CBLB: variants seen among roughly 807,000 people sequenced by gnomAD.
The protein encoded by CBLB is Cbl proto-oncogene B.
In CBLB, 31 loss-of-function variants were observed where a neutral mutation model predicts 104.9. The observed-to-expected ratio is 0.30, with a 90% CI of 0.22 to 0.40. The LOEUF is 0.40. Ranked by LOEUF, CBLB falls within the 10% of genes least tolerant of loss-of-function variation. The pLI, the probability that CBLB is intolerant of heterozygous loss-of-function variation, is 1.00. For synonymous variants in CBLB, 440 were observed against 422.6 expected (o/e 1.04, Z -0.51); for missense variants, 1,062 against 1,214.6 (o/e 0.87, Z 1.87).
chr3:105,737,420 G>GT (rs1289012505), intron 7 of CBLB, among the ~76,000 whole-genome samples, 162 bp from the exon 8 acceptor site: 3 of 151,874 alleles, frequency 2.0e-5, no homozygotes, highest in African/African-American at 7.3e-5. Flanking sequence ...TTACTATGTT[G>GT]TTTTTAGGAC....
chr3:105,796,764 C>A (rs2082295858), intron 3 of CBLB, among the ~76,000 whole-genome samples: 1 of 152,036 alleles, frequency 6.6e-6, no homozygotes, highest in African/African-American at 2.4e-5. Context: ...AAAAAGTGGG[C>A]AAAGAACATG....
At chr3:105,869,286 GGAAACGGGAAA>G, upstream of CBLB, 1 of 992,596 alleles carries the variant, frequency 1.0e-6, no homozygotes, top group Non-Finnish European at 1.4e-6. Context: ...GAACGAAAGT[GGAAACGGGAAA>G]GGAAATGGAC....
At chr3:105,662,396 G>C (rs1356842379) in intron 18 of CBLB, among the ~76,000 whole-genome samples, 1 of 152,106 alleles carries the variant, frequency 6.6e-6, no homozygotes, top group Non-Finnish European at 1.5e-5. Flanking sequence ...CAACCCTGTG[G>C]AATTTCTGTA....
intron 12 of CBLB, among the ~76,000 whole-genome samples, chr3:105,694,439 T>C (rs1268538807): frequency 6.6e-6 from 1 of 151,968 alleles, no homozygotes; most frequent in East Asian, 1.9e-4. Flanking sequence ...ATTTTTATCA[T>C]GGAGTTATTT....
intron 3 of CBLB, among the ~76,000 whole-genome samples, chr3:105,793,777 C>T (rs1334171187): frequency 6.6e-6 from 1 of 152,186 alleles, no homozygotes; most frequent in African/African-American, 2.4e-5. Flanking sequence ...AGCTGTTCCA[C>T]TTTGCAGTAC....
At chr3:105,745,830 G>T in intron 6 of CBLB, 87 bp downstream of exon 6, 1 of 1,179,184 alleles carries the variant, frequency 8.5e-7, no homozygotes, top group Non-Finnish European at 1.3e-6. Context: ...TGCCATCAGC[G>T]GGTATTGCTG....
In CBLB at chr3:105,708,884, A is replaced by G. The variant is rs534421399; in HGVS notation, c.1408-4711T>C. Among the ~76,000 whole-genome samples the G allele has an allele frequency of 3.3e-5, 5 of 152,138 alleles. No individual in the cohort carries two copies. In the South Asian group the frequency reaches 1.0e-3, roughly 32 times the overall value. ...TTAGATGAAATTGTTAGGAAAATGG[A>G]TTATTTTGATGTAAAAGGGACAGAA... is the stretch of plus-strand genomic sequence containing the variant. On this transcript the variant is annotated intron_variant, in intron 10 of 18. Transcript: ENST00000394030.
intron 4 of CBLB, among the ~76,000 whole-genome samples, chr3:105,764,610 T>C (rs1422313020): frequency 6.6e-6 from 1 of 152,078 alleles, no homozygotes; most frequent in Non-Finnish European, 1.5e-5. Context: ...TTAGGCCAAA[T>C]AGTAACCCTA....
At chr3:105,704,209 T>C in intron 10 of CBLB, 36 bp from the exon 11 acceptor site, 1 of 1,585,702 alleles carries the variant, frequency 6.3e-7, no homozygotes, top group Non-Finnish European at 8.7e-7. Flanking sequence ...CGCTGTTTAT[T>C]AGCTGTGCAG....
chr3:105,763,735 T>A (rs189891799), intron 4 of CBLB, among the ~76,000 whole-genome samples: 3 of 152,334 alleles, frequency 2.0e-5, no homozygotes, highest in Admixed American at 6.5e-5. Flanking sequence ...CAGAACATGA[T>A]CCTAAAAAAC....
intron 10 of CBLB, among the ~76,000 whole-genome samples, chr3:105,713,402 A>G (rs1169772553): frequency 2.0e-5 from 3 of 151,372 alleles, no homozygotes; most frequent in Admixed American, 6.6e-5. Flanking sequence ...AAAAAAAAAA[A>G]AATCCTTCTC....
intron 14 of CBLB, among the ~76,000 whole-genome samples, chr3:105,685,017 T>G (rs530844600): frequency 3.3e-5 from 5 of 152,184 alleles, no homozygotes; most frequent in African/African-American, 1.2e-4. Context: ...TATACTAGTA[T>G]GTACATCATG....
intron 13 of CBLB, among the ~76,000 whole-genome samples, chr3:105,691,613 G>A (rs1044894808): frequency 3.3e-5 from 5 of 152,130 alleles, no homozygotes; most frequent in Non-Finnish European, 5.9e-5. Context: ...AGGTAATTGA[G>A]CTTAGATGTT....
chr3:105,721,530 C>CA (rs1337131448), intron 9 of CBLB, among the ~76,000 whole-genome samples: 1 of 152,052 alleles, frequency 6.6e-6, no homozygotes, highest in Admixed American at 6.5e-5. Context: ...AAATCAATTG[C>CA]AACATATTCT....
chr3:105,797,943 T>C (rs2082416610), intron 3 of CBLB, among the ~76,000 whole-genome samples: 1 of 152,202 alleles, frequency 6.6e-6, no homozygotes, highest in Non-Finnish European at 1.5e-5. Flanking sequence ...TCCCCTGGTT[T>C]TACCCATTAC....
At chr3:105,782,176 T>G (rs1165540665) in intron 3 of CBLB, among the ~76,000 whole-genome samples, 1 of 152,164 alleles carries the variant, frequency 6.6e-6, no homozygotes, top group African/African-American at 2.4e-5. Context: ...AACTGGATCC[T>G]TACCCATTCC....
At chr3:105,869,255 G>C, upstream of CBLB, 1 of 735,020 alleles carries the variant, frequency 1.4e-6, no homozygotes, top group Non-Finnish European at 2.2e-6. Flanking sequence ...GGAGAGAAAT[G>C]AGGGGCCTGG....
Position 105,711,634 on chromosome 3 carries a change from C to A in CBLB, c.1408-7461G>T, listed in dbSNP as rs547937094. 1.4e-4 allele frequency among the ~76,000 whole-genome samples: 21 copies of A among 152,150 alleles called. No individual in the cohort carries two copies. The South Asian group carries it at 4.1e-3, about 30-fold the overall frequency. ...TTGTGTTAGAGCAATACAATCATTT[C>A]CTGGTTACCCATGGTCATACTTCCA... On this transcript the variant is annotated intron_variant, in intron 10 of 18. Coordinates refer to ENST00000394030, the MANE Select transcript of CBLB (RefSeq NM_170662.5).
chr3:105,805,433 T>G (rs956063025), intron 3 of CBLB, among the ~76,000 whole-genome samples: 2 of 151,752 alleles, frequency 1.3e-5, no homozygotes, highest in Non-Finnish European at 2.9e-5. Context: ...GCTTCCCAAA[T>G]AGTTGGGATT....
Sources: allele counts gnomAD v4.1 joint callset (sites outside exome capture counted in the v4.1 genomes callset), GRCh38; gene constraint gnomAD v4.1.1; transcripts MANE v1.5; gene names NCBI Gene and HGNC (gene_info 2026-07-23, HGNC 2026-07-21).